The following PTPN4 variants were observed in gnomAD, a reference collection of about 807,000 sequenced individuals.
PTPN4 encodes protein tyrosine phosphatase non-receptor type 4.
A neutral mutation model predicts 135.5 loss-of-function variants in PTPN4; 49 were observed. The ratio of observed to expected loss-of-function variants is 0.36; its 90% CI spans 0.29 to 0.46. The LOEUF is 0.46. PTPN4 is among the 20% of genes least tolerant of loss of function. The pLI, the probability that PTPN4 is intolerant of heterozygous loss-of-function variation, is 1.00. For synonymous variants in PTPN4, 333 were observed against 369.9 expected (o/e 0.90, Z 1.14); for missense variants, 860 against 1,101.0 (o/e 0.78, Z 3.10).
intron 9 of PTPN4, among the ~76,000 whole-genome samples, chr2:119,894,975 A>G (rs1411517009): frequency 6.6e-6 from 1 of 152,174 alleles, no homozygotes; most frequent in Admixed American, 6.5e-5. Flanking sequence ...TGGGGGGCAA[A>G]TATGAATATA....
chr2:119,820,545 T>C (rs2104955381), intron 2 of PTPN4, among the ~76,000 whole-genome samples: 1 of 152,296 alleles, frequency 6.6e-6, no homozygotes, highest in African/African-American at 2.4e-5. Context: ...ACCTGGAAGG[T>C]CTGGCTCTTT....
At chr2:119,795,765 T>C (rs1364128825) in intron 1 of PTPN4, among the ~76,000 whole-genome samples, 11 of 152,176 alleles carry the variant, frequency 7.2e-5, no homozygotes. Flanking sequence ...TTCCACCAGC[T>C]CTGTGGAGCA....
intron 11 of PTPN4, among the ~76,000 whole-genome samples, chr2:119,918,198 T>C (rs1289094984): frequency 1.3e-5 from 2 of 152,236 alleles, no homozygotes; most frequent in Non-Finnish European, 2.9e-5. Flanking sequence ...TATTCCCTTC[T>C]AATATGATAG....
rs1222658783 is a variant in PTPN4, at chr2:119,972,834, A to G, written c.2695-4150A>G. On this transcript the variant is annotated intron_variant, in intron 26 of 26. Coordinates refer to ENST00000263708, the MANE Select transcript of PTPN4 (RefSeq NM_002830.4). ...CATGTGGTTTTTGGTCTTTTATTCT[A>G]TTAAGGTGGTATATGACATTGATTT... 3.9e-5 allele frequency among the ~76,000 whole-genome samples: 6 copies of G among 152,122 alleles called. No homozygotes were observed. In the East Asian group the frequency reaches 9.7e-4, roughly 25 times the overall value.
At chr2:119,870,673 A>G (rs1286226710) in intron 3 of PTPN4, among the ~76,000 whole-genome samples, 2 of 152,198 alleles carry the variant, frequency 1.3e-5, no homozygotes, top group African/African-American at 4.8e-5. Context: ...ATTTTTGTCT[A>G]TATGAAACAT....
chr2:119,886,258 T>TA (rs1678153473), intron 9 of PTPN4, among the ~76,000 whole-genome samples: 2 of 152,174 alleles, frequency 1.3e-5, no homozygotes, highest in African/African-American at 4.8e-5. Flanking sequence ...TTAGTGCACT[T>TA]ACTTTGTTTT....
intron 18 of PTPN4, among the ~76,000 whole-genome samples, chr2:119,949,149 C>G (rs1419613272): frequency 6.6e-6 from 1 of 152,066 alleles, no homozygotes; most frequent in Admixed American, 6.6e-5. Flanking sequence ...TCTTTTTAAT[C>G]TGTACATATT....
intron 2 of PTPN4, among the ~76,000 whole-genome samples, chr2:119,832,740 A>C (rs1169403419): frequency 6.6e-6 from 1 of 151,524 alleles, no homozygotes; most frequent in Non-Finnish European, 1.5e-5. Context: ...AAATTCTTGT[A>C]CCTTTTTTTT....
At chr2:119,829,022 C>T (rs894448281) in intron 2 of PTPN4, among the ~76,000 whole-genome samples, 1 of 152,188 alleles carries the variant, frequency 6.6e-6, no homozygotes. Flanking sequence ...GTCCACTATC[C>T]ACCACCCTTT....
At chr2:119,791,862 T>C (rs1691154369) in intron 1 of PTPN4, among the ~76,000 whole-genome samples, 1 of 152,052 alleles carries the variant, frequency 6.6e-6, no homozygotes, top group Admixed American at 6.6e-5. Flanking sequence ...CCATTATTTC[T>C]TCAAGTATTC....
chr2:119,959,410 T>C (rs1679332894), intron 22 of PTPN4, among the ~76,000 whole-genome samples: 1 of 152,224 alleles, frequency 6.6e-6, no homozygotes, highest in Non-Finnish European at 1.5e-5. Flanking sequence ...TAATACTACA[T>C]GTAGGTCCAC....
At chr2:119,763,526 A>G (rs939200056) in intron 1 of PTPN4, among the ~76,000 whole-genome samples, 8 of 152,148 alleles carry the variant, frequency 5.3e-5, no homozygotes, top group Non-Finnish European at 1.5e-5. Flanking sequence ...GCCAAATAGA[A>G]GCTAAGGGAA....
At chr2:119,809,085 G>GT (rs984250485) in intron 1 of PTPN4, among the ~76,000 whole-genome samples, 6 of 150,850 alleles carry the variant, frequency 4.0e-5, no homozygotes, top group East Asian at 3.9e-4. Flanking sequence ...TGTTTTAAGA[G>GT]TTTTTTTTTC....
chr2:119,933,023 C>G (rs1287525517), intron 14 of PTPN4, among the ~76,000 whole-genome samples: 1 of 152,128 alleles, frequency 6.6e-6, no homozygotes, highest in African/African-American at 2.4e-5. Context: ...TTTCCAGCAC[C>G]AGTCCCCATA....
At chr2:119,804,705 G>A (rs578023473) in intron 1 of PTPN4, among the ~76,000 whole-genome samples, 1 of 152,236 alleles carries the variant, frequency 6.6e-6, no homozygotes, top group South Asian at 2.1e-4. Flanking sequence ...TTGGTTCCAA[G>A]TTTTTGCTAT....
chr2:119,924,136 CAAA>C (rs35572826), intron 12 of PTPN4, among the ~76,000 whole-genome samples: 2 of 77,264 alleles, frequency 2.6e-5, no homozygotes, highest in Admixed American at 1.4e-4. Flanking sequence ...GACTCCGTCT[CAAA>C]AAAAAAAAAA....
At chr2:119,859,289 C>G (rs1677725238) in intron 2 of PTPN4, among the ~76,000 whole-genome samples, 1 of 152,034 alleles carries the variant, frequency 6.6e-6, no homozygotes, top group Non-Finnish European at 1.5e-5. Flanking sequence ...TGGGATTTTC[C>G]TAGCTCTTGC....
chr2:119,802,409 A>T (rs749862351), intron 1 of PTPN4, among the ~76,000 whole-genome samples: 2 of 152,128 alleles, frequency 1.3e-5, no homozygotes, highest in African/African-American at 4.8e-5. Flanking sequence ...TTTTCTAAGA[A>T]TTTTTTATTA....
chr2:119,855,010 G>C (rs923373418), intron 2 of PTPN4, among the ~76,000 whole-genome samples: 5 of 152,130 alleles, frequency 3.3e-5, no homozygotes, highest in African/African-American at 9.7e-5. Flanking sequence ...GATTGCTGTT[G>C]TGCCTCTATG....
Sources: gnomAD v4.1 joint callset for allele counts (sites outside exome capture counted in the v4.1 genomes callset) on GRCh38, gnomAD v4.1.1 for gene constraint, MANE v1.5 for transcripts, NCBI Gene and HGNC (gene_info 2026-07-23, HGNC 2026-07-21) for gene names.